The following MME variants were observed in gnomAD, a reference collection of about 807,000 sequenced individuals.
MME encodes membrane metalloendopeptidase.
Under a neutral mutation model 113.2 loss-of-function variants are expected in MME, and 98 were observed. The observed-to-expected ratio is 0.87, with a 90% CI of 0.74 to 1.02. The LOEUF is 1.02. Among genes scored for constraint, MME ranks in the 50% least tolerant of loss-of-function variants. MME has a pLI of 0.00. For missense variants in MME, 836 were observed against 896.0 expected (o/e 0.93, Z 0.86); for synonymous variants, 292 against 300.6 (o/e 0.97, Z 0.30).
At chr3:155,127,113 G>A (rs1047006257) in intron 8 of MME, among the ~76,000 whole-genome samples, 3 of 151,820 alleles carry the variant, frequency 2.0e-5, no homozygotes, top group African/African-American at 7.3e-5. Context: ...ATCGGCTCCT[G>A]TAGGCACTTG....
chr3:155,096,832 C>T (rs893648486), intron 3 of MME, among the ~76,000 whole-genome samples: 4 of 152,190 alleles, frequency 2.6e-5, no homozygotes, highest in African/African-American at 9.7e-5. Flanking sequence ...GATCCTCCCA[C>T]CTCAGCCTCC....
intron 3 of MME, chr3:155,085,850 T>G (rs1017534128): frequency 3.3e-5 from 5 of 152,280 alleles, no homozygotes; most frequent in African/African-American, 1.2e-4. Flanking sequence ...GGAAGAACCT[T>G]GAAGCAGGGC....
At chr3:155,079,633 G>GGC (rs1553752930), upstream of MME, 1 of 141,966 alleles carries the variant, frequency 7.0e-6, no homozygotes, top group Non-Finnish European at 1.5e-5. Context: ...TAGGGGGTGG[G>GGC]GGGGGTGGGC....
At chr3:155,087,831 A>G (rs1177970541) in intron 3 of MME, among the ~76,000 whole-genome samples, 2 of 152,192 alleles carry the variant, frequency 1.3e-5, no homozygotes, top group Non-Finnish European at 2.9e-5. Flanking sequence ...CCTCCCAAGG[A>G]GCAATGTGAC....
intron 1 of MME, among the ~76,000 whole-genome samples, chr3:155,071,799 A>G (rs1040188947): frequency 3.9e-5 from 6 of 152,210 alleles, no homozygotes; most frequent in African/African-American, 9.6e-5. Context: ...GCTAAGTCCT[A>G]TGGATTTTAC....
intron 1 of MME, among the ~76,000 whole-genome samples, chr3:155,071,674 C>A (rs1368130678): frequency 6.6e-6 from 1 of 152,166 alleles, no homozygotes; most frequent in Non-Finnish European, 1.5e-5. Context: ...CAACTCACCA[C>A]CACCACCACT....
At chr3:155,068,768 G>A (rs1328534531) in intron 1 of MME, among the ~76,000 whole-genome samples, 1 of 152,204 alleles carries the variant, frequency 6.6e-6, no homozygotes, top group Non-Finnish European at 1.5e-5. Flanking sequence ...AGGAAATAAT[G>A]TGAACAATGA....
intron 22 of MME, among the ~76,000 whole-genome samples, chr3:155,175,790 T>G (rs1712458486): frequency 6.6e-6 from 1 of 152,124 alleles, no homozygotes; most frequent in Non-Finnish European, 1.5e-5. Context: ...AATATGGCTA[T>G]TTTGTTCCTT....
At chr3:155,144,485 GAAAAAT>G in intron 14 of MME, 28 bp downstream of exon 14, 1 of 1,437,628 alleles carries the variant, frequency 7.0e-7, no homozygotes, top group Non-Finnish European at 9.8e-7. Flanking sequence ...AACTAGCAAA[GAAAAAT>G]CTTTGCTAGT....
intron 3 of MME, among the ~76,000 whole-genome samples, chr3:155,107,183 G>A (rs61763226): frequency 0.012 from 1,825 of 152,082 alleles, 16 homozygotes; most frequent in Non-Finnish European, 0.013. Flanking sequence ...GTGAAACCCC[G>A]TCTCTACTAA....
chr3:155,047,614 C>A (rs1713605168), intron 1 of MME, among the ~76,000 whole-genome samples: 1 of 152,092 alleles, frequency 6.6e-6, no homozygotes, highest in African/African-American at 2.4e-5. Flanking sequence ...AACATGTTGC[C>A]TTAGTTATAT....
Position 155,143,568 on chromosome 3 carries a change from TGTG to T in MME, c.1317_1317+2del. On this transcript the variant is annotated inframe_deletion and splice_region_variant, in exon 13 of 23. Transcript: ENST00000360490. Reference sequence around the variant, plus strand: ...CAGCATTTGCTGGAGAGAGTAAACATGTGGTAATGTTTTCAGAATAATACACTG... The same window carrying T: ...CAGCATTTGCTGGAGAGAGTAAACATGTAATGTTTTCAGAATAATACACTG... 1 of 1,611,736 alleles carries T rather than the reference TGTG, an allele frequency of 6.2e-7. No individual in the cohort carries two copies. Among genetic ancestry groups the T allele is most frequent in the Non-Finnish European group, 8.5e-7 (1 of 1,178,252 alleles).
At position 155,147,225 on chromosome 3, in the gene MME, G is replaced by C. The variant is rs1395068713; in HGVS notation, c.1497+1G>C. ...CAAACTGAATAATGAGTACCTCGAG[G>C]TAAGTCTCTATAAAATAGACTCTGG... On this transcript the variant is annotated splice_donor_variant, in intron 15 of 22. Coordinates refer to ENST00000360490, the MANE Select transcript of MME (RefSeq NM_007289.4). LOFTEE classifies it high-confidence loss of function. The C allele has an allele frequency of 5.1e-6, 8 of 1,574,252 alleles. No homozygotes were observed. The highest frequency in any genetic ancestry group is 1.4e-5 in the African/African-American group (1 of 74,066).
intron 3 of MME, 41 bp downstream of exon 3, chr3:155,085,135 G>T: frequency 7.8e-7 from 1 of 1,285,082 alleles, no homozygotes; most frequent in Non-Finnish European, 1.1e-6. Context: ...TACAACTGAT[G>T]TATAATATTT....
At chr3:155,028,307 G>T (rs994840445) in intron 1 of MME, among the ~76,000 whole-genome samples, 3 of 152,184 alleles carry the variant, frequency 2.0e-5, no homozygotes, top group East Asian at 3.9e-4. Context: ...AATTAGAAAT[G>T]GGGAATACAT....
At position 155,172,920 on chromosome 3, in the gene MME, G is replaced by T. The variant is rs150615254; in HGVS notation, c.2153+308G>T. On this transcript the variant is annotated intron_variant, in intron 22 of 22. Coordinates refer to ENST00000360490, the MANE Select transcript of MME (RefSeq NM_007289.4). Reference sequence around the variant, plus strand: ...TGGCTCAATTTAAAGCTAGAACAAAGATATTTCTAAGAGGCTGTGAATGGT... The same window carrying T: ...TGGCTCAATTTAAAGCTAGAACAAATATATTTCTAAGAGGCTGTGAATGGT... Among the ~76,000 whole-genome samples the T allele has an allele frequency of 4.0e-3, 608 of 152,070 alleles. 4 individuals carry two copies. Among genetic ancestry groups the T allele is most frequent in the Middle Eastern group, 0.017 (5 of 292 alleles).
intron 1 of MME, among the ~76,000 whole-genome samples, chr3:155,033,227 C>T (rs2108114983): frequency 6.6e-6 from 1 of 152,266 alleles, no homozygotes; most frequent in South Asian, 2.1e-4. Context: ...CAGGGCTTAA[C>T]TTCCTCTTTG....
At chr3:155,069,999 C>T (rs558009358) in intron 1 of MME, among the ~76,000 whole-genome samples, 56 of 152,146 alleles carry the variant, frequency 3.7e-4, no homozygotes, top group African/African-American at 1.1e-3. Context: ...ATGTAACTGC[C>T]GCCTCTACCA....
upstream of MME, among the ~76,000 whole-genome samples, chr3:155,074,985 A>G (rs1217448044): frequency 6.6e-6 from 1 of 151,950 alleles, no homozygotes; most frequent in East Asian, 1.9e-4. Context: ...ATCTTTTAAT[A>G]TTGTTATCCA....
Sources: allele counts gnomAD v4.1 joint callset (sites outside exome capture counted in the v4.1 genomes callset), GRCh38; gene constraint gnomAD v4.1.1; transcripts MANE v1.5; gene names NCBI Gene and HGNC (gene_info 2026-07-23, HGNC 2026-07-21).